PCNX2: variants seen among roughly 807,000 people sequenced by gnomAD.
PCNX2 encodes the protein pecanex 2, also known as pecanex-like protein 2.
PCNX2 carries 168 observed loss-of-function variants against 223.8 expected under a neutral mutation model. That is an observed-to-expected ratio of 0.75 (90% confidence interval 0.66 to 0.85). PCNX2 has a LOEUF of 0.85. Ranked by LOEUF, PCNX2 falls within the 40% of genes least tolerant of loss-of-function variation. The pLI, the probability that PCNX2 is intolerant of heterozygous loss-of-function variation, is 0.00. For missense variants in PCNX2, 2,507 were observed against 2,675.5 expected (o/e 0.94, Z 1.39); for synonymous variants, 1,006 against 1,052.6 (o/e 0.96, Z 0.86).
At chr1:233,103,372 A>G (rs1674599024) in intron 21 of PCNX2, among the ~76,000 whole-genome samples, 1 of 151,984 alleles carries the variant, frequency 6.6e-6, no homozygotes, top group Non-Finnish European at 1.5e-5. Context: ...ACAAGGTATT[A>G]TTCACTTTTT....
chr1:233,115,868 C>G (rs889742230), intron 21 of PCNX2, among the ~76,000 whole-genome samples: 1 of 152,048 alleles, frequency 6.6e-6, no homozygotes. Context: ...CAAATATTGG[C>G]AGAATGGAAT....
At chr1:233,226,341 C>T (rs1295423005) in intron 10 of PCNX2, among the ~76,000 whole-genome samples, 1 of 152,188 alleles carries the variant, frequency 6.6e-6, no homozygotes, top group Non-Finnish European at 1.5e-5. Context: ...ACAATCTCAG[C>T]TCACTGCAGC....
intron 23 of PCNX2, chr1:233,089,733 G>T: frequency 8.6e-6 from 3 of 348,484 alleles, no homozygotes; most frequent in Non-Finnish European, 1.3e-5. Context: ...GGGCCATCTT[G>T]GCATATCAAA....
At chr1:233,164,663 C>T (rs1483707998) in intron 17 of PCNX2, among the ~76,000 whole-genome samples, 1 of 151,392 alleles carries the variant, frequency 6.6e-6, no homozygotes, top group African/African-American at 2.4e-5. Context: ...GTGATATACA[C>T]AAACACACCC....
At chr1:233,073,121 T>G (rs1026767739) in intron 23 of PCNX2, among the ~76,000 whole-genome samples, 5 of 152,196 alleles carry the variant, frequency 3.3e-5, no homozygotes, top group Non-Finnish European at 7.3e-5. Flanking sequence ...GCTTTGGTAG[T>G]TTGTATGTCT....
chr1:233,323,641 T>G, the PCNX2 span, among the ~76,000 whole-genome samples: 8 of 152,270 alleles, frequency 5.3e-5, no homozygotes, highest in East Asian at 1.5e-3. Context: ...GTCATTGTTT[T>G]GGAGCACCAC....
At chr1:233,118,009 C>CAAA (rs35266392) in intron 21 of PCNX2, among the ~76,000 whole-genome samples, 1,157 of 115,388 alleles carry the variant, frequency 0.01, 15 homozygotes, top group African/African-American at 0.027. Flanking sequence ...GACTCCGTCT[C>CAAA]AAAAAAAAAA....
rs564091115 is a variant in PCNX2, at chr1:232,983,979, CAT to C, written c.*323_*324del. 3.3e-4 allele frequency: 71 copies of C among 217,850 alleles called. No individual in the cohort carries two copies. The East Asian group carries it at 4.0e-3, about 12-fold the overall frequency. The allele number at this position is 217,850 out of a possible 1,614,324, so 13.5% of individuals were successfully genotyped here. ...GCTTTTGAGATTTCAGATTCTGGAA[CAT>C]GTGTGGTGCTGTCCGCGGTGTGCCG... is the stretch of plus-strand genomic sequence containing the variant. On this transcript the variant is annotated 3_prime_UTR_variant, in exon 34 of 34. Coordinates refer to ENST00000258229, the MANE Select transcript of PCNX2 (RefSeq NM_014801.4).
At chr1:233,194,718 CAAGAA>C (rs965511450) in intron 15 of PCNX2, among the ~76,000 whole-genome samples, 3 of 151,912 alleles carry the variant, frequency 2.0e-5, no homozygotes, top group African/African-American at 7.3e-5. Context: ...CAAAGCATTA[CAAGAA>C]AAGAAAAGTT....
chr1:233,196,227 A>C (rs1309557966), intron 15 of PCNX2, among the ~76,000 whole-genome samples: 1 of 152,132 alleles, frequency 6.6e-6, no homozygotes, highest in East Asian at 1.9e-4. Flanking sequence ...TTCAAATCTA[A>C]ATATAAGTAT....
At chr1:232,987,111 C>G (rs1571980145) in intron 32 of PCNX2, among the ~76,000 whole-genome samples, 1 of 152,246 alleles carries the variant, frequency 6.6e-6, no homozygotes, top group African/African-American at 2.4e-5. Context: ...CCCTTACAGG[C>G]CCGCAACTAC....
intron 3 of PCNX2, 65 bp from the exon 4 acceptor site, chr1:233,261,386 G>C: frequency 4.9e-6 from 7 of 1,434,246 alleles, no homozygotes; most frequent in Non-Finnish European, 5.9e-6. Flanking sequence ...CCAGACAGTC[G>C]GCAATAACTG....
At chr1:233,013,148 C>A (rs1670525794) in intron 28 of PCNX2, among the ~76,000 whole-genome samples, 1 of 152,154 alleles carries the variant, frequency 6.6e-6, no homozygotes, top group South Asian at 2.1e-4. Context: ...GCCAGCTCCT[C>A]CCCAGGAGAT....
intron 21 of PCNX2, among the ~76,000 whole-genome samples, chr1:233,113,180 C>T (rs1380055422): frequency 6.6e-6 from 1 of 152,190 alleles, no homozygotes; most frequent in Admixed American, 6.5e-5. Context: ...GTGGTTTATT[C>T]TTCCTGGTTT....
chr1:233,181,074 C>A (rs1050216559), intron 15 of PCNX2: 8 of 152,252 alleles, frequency 5.3e-5, no homozygotes, highest in African/African-American at 1.9e-4. Context: ...GCCTTCCCTT[C>A]CAGTGTCCAA....
intron 12 of PCNX2, among the ~76,000 whole-genome samples, chr1:233,215,350 AAATT>A (rs1322605920): frequency 6.6e-6 from 1 of 152,368 alleles, no homozygotes; most frequent in Admixed American, 6.5e-5. Flanking sequence ...CTGTGTAAGC[AAATT>A]AATTACTGCA....
intron 32 of PCNX2, among the ~76,000 whole-genome samples, chr1:232,993,329 G>A (rs770461709): frequency 5.3e-5 from 8 of 152,284 alleles, no homozygotes; most frequent in South Asian, 2.1e-4. Flanking sequence ...AGAGACTGGC[G>A]GCATTTTATC....
chr1:233,282,467 A>T (rs1041192285), intron 1 of PCNX2, among the ~76,000 whole-genome samples: 1 of 152,166 alleles, frequency 6.6e-6, no homozygotes, highest in Non-Finnish European at 1.5e-5. Flanking sequence ...TATGTGTAAA[A>T]CTAGGTGTTC....
rs1572024164 is a variant in PCNX2, at chr1:233,025,465, TTTCCCCATGCC to T, written c.4352-77_4352-67del. The T allele has an allele frequency of 3.2e-6, 5 of 1,577,086 alleles. No individual in the cohort carries two copies. The East Asian group carries it at 1.1e-4, about 36-fold the overall frequency. The stretch of plus-strand genomic sequence containing the variant: ...ATGCTAGAATGTTTGCTTCAACGGA[TTTCCCCATGCC>T]TTCATCAGAGGGGAAGAGGCTGAAG... On this transcript the variant is annotated intron_variant, in intron 25 of 33. Coordinates refer to ENST00000258229, the MANE Select transcript of PCNX2 (RefSeq NM_014801.4).
Sources: gnomAD v4.1 joint callset for allele counts (sites outside exome capture counted in the v4.1 genomes callset) on GRCh38, gnomAD v4.1.1 for gene constraint, MANE v1.5 for transcripts, NCBI Gene and HGNC (gene_info 2026-07-23, HGNC 2026-07-21) for gene names.